PDE2A: variants seen among roughly 807,000 people sequenced by gnomAD.
The protein encoded by PDE2A is cGMP-dependent 3',5'-cyclic phosphodiesterase.
A neutral mutation model predicts 133.6 loss-of-function variants in PDE2A; 53 were observed. That is an observed-to-expected ratio of 0.40 (90% CI 0.32 to 0.50). PDE2A has a LOEUF of 0.50. Among genes scored for constraint, PDE2A ranks in the 20% least tolerant of loss-of-function variants. The pLI is 0.73. For missense variants in PDE2A, 796 were observed against 1,232.4 expected (o/e 0.65, Z 5.30); for synonymous variants, 491 against 490.2 (o/e 1.00, Z -0.02).
chr11:72,624,178 G>C (rs973808304), intron 2 of PDE2A, among the ~76,000 whole-genome samples: 2 of 151,954 alleles, frequency 1.3e-5, no homozygotes, highest in Admixed American at 1.3e-4. Context: ...TTTTAGTAGA[G>C]ATGGGGTTTC....
In PDE2A at chr11:72,576,198, T is replaced by C. The variant is rs758469661; in HGVS notation, c.*1186A>G. ...AAAGCGGTCAGCCCACGGGACCATA[T>C]ACGACAGTTGCACAGAGTCCTAGAA... is the stretch of plus-strand genomic sequence containing the variant. On this transcript the variant is annotated 3_prime_UTR_variant, in exon 31 of 31. Transcript: ENST00000334456. 2 of 152,490 alleles carry C rather than the reference T, an allele frequency of 1.3e-5. No homozygotes were observed. Among genetic ancestry groups the C allele is most frequent in the African/African-American group, 2.4e-5 (1 of 41,518 alleles). 9.4% of individuals were successfully genotyped at this position (152,490 alleles called of 1,614,324 possible). A position where few individuals can be genotyped will look rare whatever the true frequency, so the allele number is the denominator to read the frequency against.
intron 2 of PDE2A, among the ~76,000 whole-genome samples, chr11:72,614,761 G>A (rs1422647901): frequency 6.6e-6 from 1 of 152,176 alleles, no homozygotes; most frequent in Non-Finnish European, 1.5e-5. Context: ...GGACTGGAGG[G>A]GAGGGGCCTT....
chr11:72,639,434 G>T lies in PDE2A; in HGVS notation c.144+2820C>A, dbSNP rs112133349. Among the ~76,000 whole-genome samples, 283 of 152,292 alleles carry T rather than the reference G, an allele frequency of 1.9e-3. 2 individuals are homozygous for T. The highest frequency in any genetic ancestry group is 6.6e-3 in the African/African-American group (276 of 41,544). On this transcript the variant is annotated intron_variant, in intron 2 of 30. Coordinates refer to ENST00000334456, the MANE Select transcript of PDE2A (RefSeq NM_002599.5). ...CCCGCTGACATGAGCCAGGAAGGGCGCTGGGCCACTATGGACTAAGACTGC... is the reference window on the plus strand; with the variant it reads ...CCCGCTGACATGAGCCAGGAAGGGCTCTGGGCCACTATGGACTAAGACTGC...
intron 4 of PDE2A, among the ~76,000 whole-genome samples, chr11:72,598,319 C>T (rs193114969): frequency 1.9e-3 from 284 of 152,226 alleles, no homozygotes; most frequent in Non-Finnish European, 2.7e-3. Context: ...TGGAACCTTC[C>T]CAAATACCTG....
chr11:72,620,921 A>G (rs1394265237), intron 2 of PDE2A, among the ~76,000 whole-genome samples: 1 of 151,918 alleles, frequency 6.6e-6, no homozygotes, highest in Non-Finnish European at 1.5e-5. Context: ...CACTCAGCGC[A>G]CCTTCACTGT....
Position 72,597,273 on chromosome 11 carries a change from T to C in PDE2A, c.433+237A>G, listed in dbSNP as rs1451351716. Among the ~76,000 whole-genome samples the C allele has an allele frequency of 6.6e-6, 1 of 152,142 alleles. No individual in the cohort carries two copies. The highest frequency in any genetic ancestry group is 2.4e-5 in the African/African-American group (1 of 41,434). On this transcript the variant is annotated intron_variant, in intron 5 of 30. Coordinates refer to ENST00000334456, the MANE Select transcript of PDE2A (RefSeq NM_002599.5). This position sits in a 1 kb window ranked among gnomAD's most constrained non-coding sequence, Gnocchi z 4.6. ...ATGCATGATCTCACTTGCACCTCCT[T>C]GAAACACCCCCTCAAGGTAAATACT...
In PDE2A at chr11:72,578,130, G is replaced by A; in HGVS notation, c.2615+103C>T. On this transcript the variant is annotated intron_variant, in intron 30 of 30. Coordinates refer to ENST00000334456, the MANE Select transcript of PDE2A (RefSeq NM_002599.5). The surrounding 1 kb of genome is among the most constrained non-coding windows in gnomAD (Gnocchi z 4.2). ...CAGAGGCAAGGGGATGAATCAGTTG[G>A]ACCTGGGCCAGGCCAATCTCAGCAC... 2 of 768,990 alleles carry A rather than the reference G, an allele frequency of 2.6e-6. No homozygotes were observed. The highest frequency in any genetic ancestry group is 4.6e-6 in the Non-Finnish European group (2 of 433,010). 47.6% of individuals were successfully genotyped at this position (768,990 alleles called of 1,614,324 possible).
At chr11:72,610,964 G>GA (rs1445273324) in intron 2 of PDE2A, among the ~76,000 whole-genome samples, 1 of 152,210 alleles carries the variant, frequency 6.6e-6, no homozygotes, top group Non-Finnish European at 1.5e-5. Context: ...AGGGGAGGAA[G>GA]AGCTGATGCC....
At chr11:72,577,670 A>C (rs779882077) in intron 30 of PDE2A, 76 bp from the exon 31 acceptor site, 5 of 1,058,756 alleles carry the variant, frequency 4.7e-6, no homozygotes, top group Non-Finnish European at 7.2e-6. Context: ...AGGGCTACAC[A>C]ACAAATAGAA....
chr11:72,638,606 C>T (rs1220323004), intron 2 of PDE2A, among the ~76,000 whole-genome samples: 5 of 152,226 alleles, frequency 3.3e-5, no homozygotes, highest in African/African-American at 1.2e-4. Flanking sequence ...TGGCCACCAC[C>T]ATGACCCCGG....
At chr11:72,595,122 C>T (rs377075602) in intron 6 of PDE2A, among the ~76,000 whole-genome samples, 4 of 152,126 alleles carry the variant, frequency 2.6e-5, no homozygotes, top group Non-Finnish European at 4.4e-5. Flanking sequence ...GCAAGCATTC[C>T]GCCCACAAGG....
At chr11:72,589,283 A>G in intron 11 of PDE2A, 43 bp from the exon 12 acceptor site, 2 of 1,445,426 alleles carry the variant, frequency 1.4e-6, no homozygotes, top group Non-Finnish European at 1.9e-6. Context: ...AGTACTCCCC[A>G]GGTCAGGGGA....
chr11:72,589,771 C>T lies in PDE2A; in HGVS notation c.853G>A (p.Gly285Arg), dbSNP rs759395018. ...CTCACGGGAAAGCTGACCTCTTCCC[C>T]GAGCACTTTGTCTCCGATGACCTGA... ...SCKVIGDKVL[G>R]EEVSFPLTGC... The change falls in exon 11 of 31, where the codon GGG becomes AGG. Residue 285 changes from glycine to arginine, a missense_variant. Around this residue, in one of 7 missense-constraint regions of PDE2A, gnomAD observed 417 missense variants for 475.3 expected, o/e 0.88. Transcript: ENST00000334456. 1.2e-6 allele frequency: 2 copies of T among 1,613,902 alleles called. No individual in the cohort carries two copies. The highest frequency in any genetic ancestry group is 1.1e-5 in the South Asian group (1 of 91,022).
intron 26 of PDE2A, 38 bp downstream of exon 26, chr11:72,579,496 C>G (rs778678874): frequency 6.4e-7 from 1 of 1,571,252 alleles, no homozygotes; most frequent in East Asian, 2.3e-5. Context: ...CAGCTCCCAG[C>G]TCCCCCTCAA....
chr11:72,612,677 G>GGT (rs1377304572), intron 2 of PDE2A, among the ~76,000 whole-genome samples: 1 of 151,774 alleles, frequency 6.6e-6, no homozygotes, highest in Non-Finnish European at 1.5e-5. Context: ...GGGGAGGGAT[G>GGT]GTGGATGGAT....
At chr11:72,585,939 A>C (rs1855952154) in intron 14 of PDE2A, 131 bp downstream of exon 14, 1 of 668,242 alleles carries the variant, frequency 1.5e-6, no homozygotes, top group Non-Finnish European at 2.7e-6. Context: ...TCAAGTTATG[A>C]GGTTATGGAG....
Position 72,579,613 on chromosome 11 carries a change from G to C in PDE2A, c.2182-5C>G. On this transcript the variant is annotated splice_polypyrimidine_tract_variant and splice_region_variant and intron_variant, in intron 25 of 30. Coordinates refer to ENST00000334456, the MANE Select transcript of PDE2A (RefSeq NM_002599.5). ...GGCCTGAGCAAAGTGGTGCCTCTGG[G>C]GGGAGAGGAGTGATGGGGGCCCAGC... 3 of 1,609,182 alleles carry C rather than the reference G, an allele frequency of 1.9e-6. No homozygotes were observed. The highest frequency in any genetic ancestry group is 2.5e-6 in the Non-Finnish European group (3 of 1,177,028).
chr11:72,600,331 G>A (rs1856683586), intron 4 of PDE2A, among the ~76,000 whole-genome samples: 1 of 152,196 alleles, frequency 6.6e-6, no homozygotes, highest in African/African-American at 2.4e-5. Flanking sequence ...GACAGAGGCT[G>A]AGCTGGGATA....
intron 6 of PDE2A, among the ~76,000 whole-genome samples, chr11:72,592,482 C>A (rs1375194475): frequency 6.6e-6 from 1 of 152,166 alleles, no homozygotes; most frequent in African/African-American, 2.4e-5. Context: ...TGTGGAGCCT[C>A]ATACCTGAGG....
Sources: gnomAD v4.1 joint callset for allele counts (sites outside exome capture counted in the v4.1 genomes callset) on GRCh38, gnomAD v4.1.1 for gene constraint, gnomAD v4.1.1 regional missense constraint, Gnocchi (gnomAD v3.1) non-coding constraint, MANE v1.5 for transcripts, NCBI Gene and HGNC (gene_info 2026-07-23, HGNC 2026-07-21) for gene names.